Variants in IRGM observed in about 807,000 individuals in gnomAD.
IRGM encodes the protein immunity related GTPase M.
For synonymous variants in IRGM, 98 were observed against 80.6 expected (o/e 1.22, Z -1.16); for missense variants, 288 against 219.9 (o/e 1.31, Z -1.96).
chr5:150,886,880 ATTTTT>A (rs987860178), intron 3 of IRGM, among the ~76,000 whole-genome samples: 1 of 150,942 alleles, frequency 6.6e-6, no homozygotes, highest in African/African-American at 2.4e-5. Flanking sequence ...CTTTTGAATG[ATTTTT>A]TTTGTGTCTT....
intron 3 of IRGM, chr5:150,898,435 G>C (rs143104528): frequency 6.2e-7 from 1 of 1,613,368 alleles, no homozygotes; most frequent in South Asian, 1.1e-5. Context: ...TACCCATTGA[G>C]ACCAGGTGGC....
At chr5:150,869,325 A>G (rs1215047708) in intron 1 of IRGM, among the ~76,000 whole-genome samples, 1 of 152,188 alleles carries the variant, frequency 6.6e-6, no homozygotes, top group Admixed American at 6.5e-5. Flanking sequence ...CCCTGGTATG[A>G]AACCCATTTG....
In IRGM at chr5:150,895,301, G is replaced by GA. The variant is rs199853343; in HGVS notation, c.*141-5285dup. ...GGAAAAGTTAGGCATCACCAAACTA[G>GA]AAACAAATTCCCTTAAAAATTTTTA... On this transcript the variant is annotated intron_variant and NMD_transcript_variant, in intron 3 of 3. Coordinates refer to the IRGM transcript ENST00000520549. 9.0e-3 allele frequency: 6,256 copies of GA among 696,116 alleles called. 75 individuals are homozygous for GA. The highest frequency in any genetic ancestry group is 0.038 in the East Asian group (1,318 of 34,450). 43.1% of individuals were successfully genotyped at this position (696,116 alleles called of 1,614,324 possible). A position where few individuals can be genotyped will look rare whatever the true frequency, so the allele number is the denominator to read the frequency against.
chr5:150,887,604 CAGA>C (rs1332872988), intron 3 of IRGM, among the ~76,000 whole-genome samples: 2 of 142,158 alleles, frequency 1.4e-5, no homozygotes, highest in African/African-American at 2.6e-5. Context: ...CAAGATTCTA[CAGA>C]AGAAGATCAT....
intron 1 of IRGM, among the ~76,000 whole-genome samples, chr5:150,860,329 A>C (rs767853559): frequency 2.6e-4 from 40 of 152,328 alleles, no homozygotes; most frequent in Non-Finnish European, 4.3e-4. Context: ...TAAGTGGTTT[A>C]TCAAAAGCCT....
intron 3 of IRGM, among the ~76,000 whole-genome samples, chr5:150,886,636 A>G (rs1052514217): frequency 5.9e-5 from 9 of 152,028 alleles, no homozygotes; most frequent in African/African-American, 9.7e-5. Context: ...GGGAGCATGT[A>G]TACGTCTAGG....
At chr5:150,855,034 C>G (rs1465010963) in intron 1 of IRGM, among the ~76,000 whole-genome samples, 1 of 152,038 alleles carries the variant, frequency 6.6e-6, no homozygotes, top group Non-Finnish European at 1.5e-5. Flanking sequence ...TTTAAACCAT[C>G]CATAGTATTT....
At chr5:150,847,381 A>G (rs1753884278) in intron 1 of IRGM, 161 bp downstream of exon 1, 1 of 152,320 alleles carries the variant, frequency 6.6e-6, no homozygotes, top group Non-Finnish European at 1.5e-5. Flanking sequence ...GAGCAGACCT[A>G]TATTAGGATA....
At chr5:150,896,398 T>C in intron 3 of IRGM, 3 of 1,613,698 alleles carry the variant, frequency 1.9e-6, no homozygotes, top group Non-Finnish European at 2.5e-6. Flanking sequence ...AGTTGTGACT[T>C]CTTAGCAAAG....
At chr5:150,885,138 GCCAGTTTATTAAC>G (rs1260911906) in intron 3 of IRGM, among the ~76,000 whole-genome samples, 1 of 152,062 alleles carries the variant, frequency 6.6e-6, no homozygotes, top group Non-Finnish European at 1.5e-5. Flanking sequence ...TATATGGATA[GCCAGTTTATTAAC>G]CCAGCACCAT....
chr5:150,895,965 A>C, intron 3 of IRGM: 1 of 1,613,286 alleles, frequency 6.2e-7, no homozygotes, highest in Non-Finnish European at 8.5e-7. Context: ...TTTATGTATA[A>C]TGAGGTGGGA....
intron 1 of IRGM, among the ~76,000 whole-genome samples, chr5:150,856,965 T>C (rs1198542946): frequency 6.6e-6 from 1 of 151,398 alleles, no homozygotes; most frequent in African/African-American, 2.4e-5. Flanking sequence ...AGGTTTAGCG[T>C]ACATGTGCAC....
intron 1 of IRGM, 143 bp from the exon 2 acceptor site, chr5:150,847,566 C>T (rs961491201): frequency 1.9e-5 from 3 of 153,906 alleles, no homozygotes; most frequent in Non-Finnish European, 4.3e-5. Context: ...AAGAAATGTG[C>T]ACATTGCTTG....
intron 1 of IRGM, among the ~76,000 whole-genome samples, chr5:150,859,222 G>A (rs1478162636): frequency 6.6e-6 from 1 of 152,064 alleles, no homozygotes; most frequent in Admixed American, 6.6e-5. Flanking sequence ...TATATGCTGG[G>A]TTACATTTAT....
At position 150,887,031 on chromosome 5, in the gene IRGM, G is replaced by T. The variant is rs1434772806; in HGVS notation, c.*140+7385G>T. Among the ~76,000 whole-genome samples, 3 of 151,930 alleles carry T rather than the reference G, an allele frequency of 2.0e-5. No individual in the cohort carries two copies. In the South Asian group the frequency reaches 6.2e-4, roughly 31 times the overall value. On this transcript the variant is annotated intron_variant and NMD_transcript_variant, in intron 3 of 3. Transcript: ENST00000520549. ...TTTGAGATCTTTCTAATGTTTTGATGTGGGCATTTAGTGCTATGAATTCCC... is the reference window on the plus strand; with the variant it reads ...TTTGAGATCTTTCTAATGTTTTGATTTGGGCATTTAGTGCTATGAATTCCC...
At chr5:150,849,763 C>T (rs542533603), downstream of IRGM, among the ~76,000 whole-genome samples, 6 of 152,068 alleles carry the variant, frequency 3.9e-5, no homozygotes, top group East Asian at 1.9e-4. Context: ...CACACCACCA[C>T]GCCCAGCTAA....
At position 150,861,645 on chromosome 5, in the gene IRGM, G is replaced by T. The variant is rs142134874; in HGVS notation, c.158+12991G>T. Among the ~76,000 whole-genome samples the T allele has an allele frequency of 9.5e-4, 144 of 152,166 alleles. 1 individual carries two copies. Among genetic ancestry groups the T allele is most frequent in the African/African-American group, 3.3e-3 (138 of 41,494 alleles). Reference sequence around the variant, plus strand: ...GGGAGATAACTTGCGATTTTTAGTCGCAGGTCTCTAGATTAAGTAATAGTC... The same window carrying T: ...GGGAGATAACTTGCGATTTTTAGTCTCAGGTCTCTAGATTAAGTAATAGTC... On this transcript the variant is annotated intron_variant and NMD_transcript_variant, in intron 1 of 3. Transcript: ENST00000520549.
chr5:150,857,329 CATT>C (rs1754072521), intron 1 of IRGM, among the ~76,000 whole-genome samples: 1 of 152,070 alleles, frequency 6.6e-6, no homozygotes, highest in Non-Finnish European at 1.5e-5. Context: ...TCCAGTCTAT[CATT>C]GTTGGACATT....
intron 3 of IRGM, chr5:150,895,361 A>C (rs1754716912): frequency 3.1e-6 from 4 of 1,271,028 alleles, no homozygotes; most frequent in African/African-American, 1.5e-5. Flanking sequence ...TTATCAAATT[A>C]ATTGGGTTTC....
Sources: allele counts gnomAD v4.1 joint callset (sites outside exome capture counted in the v4.1 genomes callset), GRCh38; gene constraint gnomAD v4.1.1; transcripts MANE v1.5; gene names NCBI Gene and HGNC (gene_info 2026-07-23, HGNC 2026-07-21).